The following ARHGAP15 variants were observed in gnomAD, a reference collection of about 807,000 sequenced individuals.
ARHGAP15 encodes rho GTPase-activating protein 15.
ARHGAP15 carries 51 observed loss-of-function variants against 63.7 expected under a neutral mutation model. That is an observed-to-expected ratio of 0.80 (90% CI 0.64 to 1.01). ARHGAP15 has a LOEUF of 1.01. ARHGAP15 is among the 50% of genes least tolerant of loss of function. The pLI, the probability that ARHGAP15 is intolerant of heterozygous loss-of-function variation, is 0.00. For missense variants in ARHGAP15, 560 were observed against 564.6 expected, an observed-to-expected ratio of 0.99 and a Z score of 0.08; for synonymous variants, 191 against 193.8, an observed-to-expected ratio of 0.99 and a Z score of 0.12.
intron 11 of ARHGAP15, among the ~76,000 whole-genome samples, chr2:143,596,989 C>T (rs546994395): frequency 6.6e-6 from 1 of 152,128 alleles, no homozygotes; most frequent in Admixed American, 6.6e-5. Flanking sequence ...ATTTATTATC[C>T]TCAATAATAC....
At chr2:143,408,462 A>C (rs1688307907) in intron 6 of ARHGAP15, among the ~76,000 whole-genome samples, 1 of 151,808 alleles carries the variant, frequency 6.6e-6, no homozygotes, top group African/African-American at 2.4e-5. Flanking sequence ...ATCTTTGAGA[A>C]CATGTTATGA....
chr2:143,540,880 T>A (rs1045198185), intron 10 of ARHGAP15, among the ~76,000 whole-genome samples: 9 of 152,196 alleles, frequency 5.9e-5, no homozygotes, highest in African/African-American at 2.2e-4. Context: ...CCAAGGAGAA[T>A]CTTTGTGGCA....
chr2:143,426,528 C>T (rs1689144152), intron 6 of ARHGAP15, among the ~76,000 whole-genome samples: 1 of 152,136 alleles, frequency 6.6e-6, no homozygotes, highest in African/African-American at 2.4e-5. Context: ...AAATGACTGA[C>T]TCAGAGAGAG....
intron 1 of ARHGAP15, among the ~76,000 whole-genome samples, chr2:143,136,645 T>C (rs1256897140): frequency 6.6e-6 from 1 of 151,308 alleles, no homozygotes; most frequent in Non-Finnish European, 1.5e-5. Context: ...AACCGTTAAG[T>C]CTCCCAATCC....
chr2:143,704,008 G>GAAAAAAAAAAAAA (rs111878424), intron 13 of ARHGAP15: 2 of 135,630 alleles, frequency 1.5e-5, no homozygotes, highest in Non-Finnish European at 1.5e-5. Flanking sequence ...AGTCTTCCAG[G>GAAAAAAAAAAAAA]AAAAAAAAAA....
chr2:143,460,610 T>G (rs1003772568), intron 8 of ARHGAP15, among the ~76,000 whole-genome samples: 5 of 152,192 alleles, frequency 3.3e-5, no homozygotes, highest in African/African-American at 9.7e-5. Context: ...GATATGTAAT[T>G]GCATTAGGGT....
chr2:143,368,049 G>T (rs1054827363), intron 6 of ARHGAP15, among the ~76,000 whole-genome samples: 1 of 151,972 alleles, frequency 6.6e-6, no homozygotes, highest in Non-Finnish European at 1.5e-5. Flanking sequence ...ATAAGAAAGT[G>T]GTGCATATAT....
chr2:143,320,105 C>A (rs1405764298), intron 6 of ARHGAP15, among the ~76,000 whole-genome samples: 1 of 152,168 alleles, frequency 6.6e-6, no homozygotes, highest in African/African-American at 2.4e-5. Context: ...CTACCCAGTT[C>A]TTGGTAGGTA....
intron 8 of ARHGAP15, among the ~76,000 whole-genome samples, chr2:143,450,026 G>T (rs1690334963): frequency 6.7e-6 from 1 of 148,792 alleles, no homozygotes; most frequent in South Asian, 2.1e-4. Context: ...CTTTAAGACA[G>T]CTTACATAAG....
chr2:143,577,649 C>A (rs1229450790), intron 11 of ARHGAP15, among the ~76,000 whole-genome samples: 1 of 152,086 alleles, frequency 6.6e-6, no homozygotes, highest in Non-Finnish European at 1.5e-5. Context: ...GCTTCTAGTC[C>A]CTCAGGAAGC....
intron 8 of ARHGAP15, among the ~76,000 whole-genome samples, chr2:143,486,627 A>G (rs1463259805): frequency 6.6e-6 from 1 of 152,044 alleles, no homozygotes; most frequent in African/African-American, 2.4e-5. Flanking sequence ...GCTTAATGAA[A>G]ACCCAGACCT....
rs373296096 is a variant in ARHGAP15 at position 143,263,907 on chromosome 2, C to CTTTTTT, written c.474+13338_474+13343dup. On this transcript the variant is annotated intron_variant, in intron 6 of 13. Coordinates refer to ENST00000295095, the MANE Select transcript of ARHGAP15 (RefSeq NM_018460.4). ...GGTGGGTCTACGGTGAAGCTGCAGT[C>CTTTTTT]TTTTTTTTTTTTTTTTTTTTTTTTT... Among the ~76,000 whole-genome samples the CTTTTTT allele has an allele frequency of 8.1e-4, 31 of 38,452 alleles. 5 individuals are homozygous for CTTTTTT. Among genetic ancestry groups the CTTTTTT allele is most frequent in the African/African-American group, 1.8e-3 (29 of 16,006 alleles). 25.2% of individuals were successfully genotyped at this position (38,452 alleles called of 152,430 possible).
At chr2:143,617,280 T>G (rs970674338) in intron 11 of ARHGAP15, among the ~76,000 whole-genome samples, 1 of 152,224 alleles carries the variant, frequency 6.6e-6, no homozygotes, top group Non-Finnish European at 1.5e-5. Flanking sequence ...ATCCAGAAAT[T>G]TGACCTTGTC....
chr2:143,163,434 T>C (rs1461709532), intron 2 of ARHGAP15, among the ~76,000 whole-genome samples: 1 of 151,476 alleles, frequency 6.6e-6, no homozygotes, highest in African/African-American at 2.4e-5. Flanking sequence ...TATATACAGA[T>C]ATATAGAAAT....
chr2:143,252,880 T>C (rs182794570), intron 6 of ARHGAP15, among the ~76,000 whole-genome samples: 1 of 152,184 alleles, frequency 6.6e-6, no homozygotes, highest in Non-Finnish European at 1.5e-5. Flanking sequence ...CATTAGCTGG[T>C]CGAACTCTCA....
intron 11 of ARHGAP15, chr2:143,608,760 G>A (rs903123807): frequency 2.0e-5 from 3 of 152,114 alleles, no homozygotes; most frequent in Non-Finnish European, 4.4e-5. Flanking sequence ...GTTTTAATTA[G>A]CATTATGGTT....
intron 6 of ARHGAP15, among the ~76,000 whole-genome samples, chr2:143,411,031 C>T (rs1289502751): frequency 6.6e-6 from 1 of 151,932 alleles, no homozygotes; most frequent in Admixed American, 6.6e-5. Flanking sequence ...ATGGAAAAAC[C>T]CTGTCTTTAT....
intron 6 of ARHGAP15, among the ~76,000 whole-genome samples, chr2:143,413,374 G>T (rs1688527581): frequency 6.6e-6 from 1 of 152,154 alleles, no homozygotes; most frequent in Non-Finnish European, 1.5e-5. Context: ...CCAACTGAAT[G>T]CCTCAGGGCC....
chr2:143,726,235 T>C (rs1685271430), intron 13 of ARHGAP15, among the ~76,000 whole-genome samples: 1 of 152,222 alleles, frequency 6.6e-6, no homozygotes. Context: ...GTCTGTGGAC[T>C]GGAATGCACC....
Sources: allele counts gnomAD v4.1 joint callset (sites outside exome capture counted in the v4.1 genomes callset), GRCh38; gene constraint gnomAD v4.1.1; transcripts MANE v1.5; gene names NCBI Gene and HGNC (gene_info 2026-07-23, HGNC 2026-07-21).